The following CPT1A variants were observed in gnomAD, a reference collection of about 807,000 sequenced individuals.
CPT1A encodes carnitine palmitoyltransferase 1A.
Under a neutral mutation model 100.8 loss-of-function variants are expected in CPT1A, and 64 were observed. The observed-to-expected ratio is 0.63, with a 90% CI of 0.52 to 0.78. The LOEUF is 0.78. Among genes scored for constraint, CPT1A ranks in the 30% least tolerant of loss-of-function variants. The probability of loss-of-function intolerance (pLI) is 0.00; values close to 1 mark genes in which losing one functional copy is unlikely to be tolerated. For missense variants in CPT1A, 802 were observed against 1,034.1 expected, an observed-to-expected ratio of 0.78 and a Z score of 3.08; for synonymous variants, 363 against 396.0, an observed-to-expected ratio of 0.92 and a Z score of 0.99.
At chr11:68,754,746 C>A, downstream of CPT1A, 2 of 773,448 alleles carry the variant, frequency 2.6e-6, no homozygotes, top group East Asian at 4.9e-5. Context: ...CAGCCCAGCA[C>A]ATGAACTTGG....
intron 13 of CPT1A, 118 bp from the exon 14 acceptor site, chr11:68,773,547 C>T: frequency 1.3e-6 from 2 of 1,545,892 alleles, no homozygotes; most frequent in Non-Finnish European, 1.7e-6. Flanking sequence ...CTGGGAAGTA[C>T]ACAAACGTTT....
chr11:68,793,839 C>A (rs1337484236), intron 8 of CPT1A, among the ~76,000 whole-genome samples: 1 of 152,014 alleles, frequency 6.6e-6, no homozygotes, highest in African/African-American at 2.4e-5. Flanking sequence ...CGAATTGCTT[C>A]GTTTGACTTC....
At chr11:68,804,291 T>TTAC (rs1331018726) in intron 4 of CPT1A, among the ~76,000 whole-genome samples, 190 bp from the exon 5 acceptor site, 1 of 152,212 alleles carries the variant, frequency 6.6e-6, no homozygotes, top group Admixed American at 6.5e-5. Context: ...TGCCAACCAC[T>TTAC]TACTGATTTT....
intron 1 of CPT1A, among the ~76,000 whole-genome samples, chr11:68,835,613 T>C (rs1223140892): frequency 1.3e-5 from 2 of 151,414 alleles, no homozygotes; most frequent in Non-Finnish European, 2.9e-5. Context: ...TCGTGTGACA[T>C]GGAATGACAG....
At chr11:68,810,878 A>G (rs11825304) in intron 3 of CPT1A, among the ~76,000 whole-genome samples, 8,519 of 151,998 alleles carry the variant, frequency 0.056, 792 homozygotes, top group African/African-American at 0.19. Flanking sequence ...CCAGCTACTC[A>G]GGAGGCTGAG....
At chr11:68,802,349 A>G (rs1855924886) in intron 5 of CPT1A, among the ~76,000 whole-genome samples, 1 of 152,088 alleles carries the variant, frequency 6.6e-6, no homozygotes, top group African/African-American at 2.4e-5. Context: ...AATTAAAGAA[A>G]AAAAAAGACC....
rs1264713147 is a variant in CPT1A at position 68,760,283 on chromosome 11, T to G, written c.2084A>C (p.Glu695Ala). 6.2e-7 allele frequency: 1 copy of G among 1,612,956 alleles called. No homozygotes were observed. The highest frequency in any genetic ancestry group is 8.5e-7 in the Non-Finnish European group (1 of 1,179,778). The change falls in exon 17 of 19, where the codon GAG (glutamate) becomes GCG (alanine). Residue 695 changes from glutamate to alanine, a missense_variant. Around this residue, in one of 4 missense-constraint regions of CPT1A, gnomAD observed 627 missense variants for 799.3 expected, o/e 0.78. Coordinates refer to ENST00000265641, the MANE Select transcript of CPT1A (RefSeq NM_001876.4). The part of the protein sequence containing the change: ...STSQTPQQQV[E>A]LFDLENNPEY... ...TGGGTTATTCTCCAAGTCAAACAGC[T>G]CCACTTGCTGCTGAGGGGTCTGGCT...
intron 6 of CPT1A, among the ~76,000 whole-genome samples, chr11:68,797,676 TA>T (rs1372335027): frequency 6.6e-6 from 1 of 151,738 alleles, no homozygotes; most frequent in African/African-American, 2.4e-5. Flanking sequence ...CTTTCTCAAA[TA>T]AAAGAAAACA....
intron 1 of CPT1A, among the ~76,000 whole-genome samples, chr11:68,836,272 T>C (rs1463404396): frequency 6.6e-6 from 1 of 152,072 alleles, no homozygotes; most frequent in Non-Finnish European, 1.5e-5. Flanking sequence ...GGCCAGGAGT[T>C]CAAGACCAGC....
chr11:68,836,414 A>G (rs1386775664), intron 1 of CPT1A, among the ~76,000 whole-genome samples: 1 of 152,080 alleles, frequency 6.6e-6, no homozygotes, highest in African/African-American at 2.4e-5. Context: ...ATGGGAGATT[A>G]CGTTGAGCTA....
rs1022349313 is a variant in CPT1A, at chr11:68,832,286, T to C, written c.-14+9489A>G. On this transcript the variant is annotated intron_variant, in intron 1 of 18. Coordinates refer to ENST00000265641, the MANE Select transcript of CPT1A (RefSeq NM_001876.4). ...CAATATGGTGAAACCCTGTCTCTAC[T>C]AAAAATACAAAAAATTAGCTGGGCT... Among the ~76,000 whole-genome samples, 13 of 152,238 alleles carry C rather than the reference T, an allele frequency of 8.5e-5. No homozygotes were observed. In the East Asian group the frequency reaches 2.5e-3, roughly 29 times the overall value.
chr11:68,837,550 T>G (rs879144235), intron 1 of CPT1A, among the ~76,000 whole-genome samples: 1 of 152,134 alleles, frequency 6.6e-6, no homozygotes, highest in Admixed American at 6.5e-5. Flanking sequence ...AGTAGCAGCA[T>G]GAAGGAAGGT....
intron 13 of CPT1A, 82 bp from the exon 14 acceptor site, chr11:68,773,511 T>C: frequency 6.2e-7 from 1 of 1,600,736 alleles, no homozygotes; most frequent in African/African-American, 1.3e-5. Context: ...TGGAGGCTGG[T>C]TTTTAGTGCA....
rs1474724407 is a variant in CPT1A, at chr11:68,756,238, C to G, written c.*1406G>C. 1 of 151,728 alleles carries G rather than the reference C, an allele frequency of 6.6e-6. No individual in the cohort carries two copies. The allele number at this position is 151,728 out of a possible 1,614,324, so 9.4% of individuals were successfully genotyped here. On this transcript the variant is annotated 3_prime_UTR_variant, in exon 19 of 19. Transcript: ENST00000265641. ...CTGAAGGAGTCAGGCCCAACTAGAACCAAGTGGTCAAAAAAATAAATACAC... is the reference window on the plus strand; with the variant it reads ...CTGAAGGAGTCAGGCCCAACTAGAAGCAAGTGGTCAAAAAAATAAATACAC...
At chr11:68,772,774 G>A (rs1437391291) in intron 14 of CPT1A, among the ~76,000 whole-genome samples, 1 of 152,088 alleles carries the variant, frequency 6.6e-6, no homozygotes, top group Non-Finnish European at 1.5e-5. Context: ...AAAGGATTAA[G>A]CTGAAAGCTA....
Position 68,786,145 on chromosome 11 carries a change from T to C in CPT1A, c.968-1135A>G. ...AGGAGGCCAAGGAGGGAGGATTGCT[T>C]GAGCCCAGGAGTTTGGGATCAGCCT... On this transcript the variant is annotated intron_variant, in intron 9 of 18. Coordinates refer to ENST00000265641, the MANE Select transcript of CPT1A (RefSeq NM_001876.4). The C allele has an allele frequency of 4.4e-6, 3 of 688,782 alleles. No homozygotes were observed. In the South Asian group the frequency reaches 4.6e-5, roughly 11 times the overall value. The allele number at this position is 688,782 out of a possible 1,614,324, so 42.7% of individuals were successfully genotyped here.
chr11:68,839,764 G>A, intron 1 of CPT1A: 9 of 966,448 alleles, frequency 9.3e-6, no homozygotes, highest in Non-Finnish European at 1.1e-5. Context: ...GTTGGGTAAG[G>A]GCAGGCCCTC....
At chr11:68,843,970 C>A (rs1393650589), upstream of CPT1A, among the ~76,000 whole-genome samples, 1 of 152,286 alleles carries the variant, frequency 6.6e-6, no homozygotes. The surrounding 1 kb of genome is among the most constrained non-coding windows in gnomAD (Gnocchi z 4.0). Flanking sequence ...TTTCCTCCCT[C>A]GCTCAGCGCC....
chr11:68,785,865 C>A, intron 9 of CPT1A: 1 of 538,298 alleles, frequency 1.9e-6, no homozygotes, highest in Non-Finnish European at 3.3e-6. Flanking sequence ...TGGAAAATTA[C>A]GAAACCAAGC....
Sources: allele counts gnomAD v4.1 joint callset (sites outside exome capture counted in the v4.1 genomes callset), GRCh38; gene constraint gnomAD v4.1.1; regional missense constraint gnomAD v4.1.1; non-coding constraint Gnocchi (gnomAD v3.1); transcripts MANE v1.5; gene names NCBI Gene and HGNC (gene_info 2026-07-23, HGNC 2026-07-21).